LYRM4: variants seen among roughly 807,000 people sequenced by gnomAD.
LYRM4 encodes the protein LYR motif-containing protein 4.
LYRM4 carries 9 observed loss-of-function variants against 11.7 expected under a neutral mutation model. The observed-to-expected ratio is 0.77, with a 90% CI of 0.46 to 1.34. The LOEUF (loss-of-function observed/expected upper bound fraction) is 1.34, where lower values mean the gene tolerates loss of function less well. Among genes scored for constraint, LYRM4 ranks in the 40% most tolerant of loss-of-function variants. The pLI is 0.00. For missense variants in LYRM4, 133 were observed against 112.5 expected (o/e 1.18, Z -0.82); for synonymous variants, 42 against 40.4 (o/e 1.04, Z -0.15).
intron 1 of LYRM4, among the ~76,000 whole-genome samples, chr6:5,253,395 A>G (rs1465142805): frequency 6.0e-5 from 9 of 149,960 alleles, no homozygotes; most frequent in Non-Finnish European, 1.0e-4. Context: ...AAATGTGGTT[A>G]TGTTATACAT....
chr6:5,177,998 A>ATT lies in LYRM4; in HGVS notation c.207+38618_207+38619dup, dbSNP rs5873970. ...TCTCACTATACCCACATATGCCACT[A>ATT]TTTTTTTTTTAACTAAGTATTTAAT... is the stretch of plus-strand genomic sequence containing the variant. On this transcript the variant is annotated intron_variant, in intron 2 of 2. Coordinates refer to ENST00000330636, the MANE Select transcript of LYRM4 (RefSeq NM_020408.6). Among the ~76,000 whole-genome samples, 617 of 150,152 alleles carry ATT rather than the reference A, an allele frequency of 4.1e-3. 6 individuals carry two copies. Among genetic ancestry groups the ATT allele is most frequent in the African/African-American group, 0.014 (580 of 40,996 alleles).
the LYRM4 span, chr6:5,086,183 T>C: frequency 3.9e-6 from 6 of 1,532,686 alleles, no homozygotes; most frequent in Non-Finnish European, 5.2e-6. Flanking sequence ...GGCGCTGAGG[T>C]GAAGGGCTCC....
At chr6:5,083,393 T>G in the LYRM4 span, among the ~76,000 whole-genome samples, 1 of 152,192 alleles carries the variant, frequency 6.6e-6, no homozygotes, top group Non-Finnish European at 1.5e-5. Flanking sequence ...CTCTTGGAGA[T>G]GCCATGCCCA....
At chr6:5,063,876 A>T in the LYRM4 span, among the ~76,000 whole-genome samples, 1 of 152,190 alleles carries the variant, frequency 6.6e-6, no homozygotes, top group Admixed American at 6.5e-5. Flanking sequence ...TGCCCCAGAA[A>T]GTGGCATGCG....
At chr6:5,046,836 C>T in the LYRM4 span, among the ~76,000 whole-genome samples, 7 of 152,270 alleles carry the variant, frequency 4.6e-5, no homozygotes, top group South Asian at 2.1e-4. Flanking sequence ...ACACCTGTAA[C>T]GCCAACACTT....
chr6:5,102,001 T>C (rs1362662197), downstream of LYRM4, among the ~76,000 whole-genome samples: 2 of 143,826 alleles, frequency 1.4e-5, no homozygotes, highest in African/African-American at 2.6e-5. Flanking sequence ...TTATGTTGCC[T>C]AGGCTGGTCT....
intron 1 of LYRM4, among the ~76,000 whole-genome samples, chr6:5,247,679 G>C (rs1457457232): frequency 1.3e-5 from 2 of 152,074 alleles, no homozygotes; most frequent in African/African-American, 4.8e-5. Flanking sequence ...GAATAAACTA[G>C]GCCAAAGGGA....
the LYRM4 span, among the ~76,000 whole-genome samples, chr6:5,043,835 C>T: frequency 2.6e-5 from 4 of 152,274 alleles, no homozygotes; most frequent in African/African-American, 9.6e-5. Context: ...AGTCAGGTAC[C>T]AGACAATTAG....
the LYRM4 span, among the ~76,000 whole-genome samples, chr6:5,036,350 A>G: frequency 1.3e-5 from 2 of 152,136 alleles, no homozygotes; most frequent in Non-Finnish European, 2.9e-5. Flanking sequence ...GATAGGAGGG[A>G]AAAAACAGAG....
the LYRM4 span, among the ~76,000 whole-genome samples, chr6:5,042,056 C>T: frequency 6.6e-6 from 1 of 152,176 alleles, no homozygotes; most frequent in Non-Finnish European, 1.5e-5. Flanking sequence ...ATCTAAGATG[C>T]AATTGTATGA....
intron 1 of LYRM4, among the ~76,000 whole-genome samples, chr6:5,246,863 G>A (rs1163024231): frequency 1.3e-5 from 2 of 152,112 alleles, no homozygotes; most frequent in Non-Finnish European, 2.9e-5. Context: ...AGACTTGGGA[G>A]TAAACACAGA....
intron 2 of LYRM4, chr6:5,136,385 G>C (rs996333023): frequency 2.1e-5 from 21 of 985,254 alleles, no homozygotes; most frequent in Non-Finnish European, 2.4e-5. Flanking sequence ...TGGAGAAGCG[G>C]GAAGACACGA....
the LYRM4 span, among the ~76,000 whole-genome samples, chr6:5,092,744 C>T: frequency 9.3e-5 from 14 of 150,728 alleles, no homozygotes; most frequent in Middle Eastern, 0.01. Flanking sequence ...AGTTTATGTT[C>T]AGAACCACTG....
the LYRM4 span, chr6:5,085,296 C>T: frequency 1.9e-6 from 1 of 534,288 alleles, no homozygotes; most frequent in East Asian, 3.4e-5. Context: ...CCCACTTCGC[C>T]CTGGGCAGCC....
the LYRM4 span, among the ~76,000 whole-genome samples, chr6:5,067,276 G>A: frequency 1.3e-4 from 20 of 152,260 alleles, 1 homozygote; most frequent in South Asian, 6.2e-4. Flanking sequence ...TTAGTATGTC[G>A]TTAGCAACAG....
chr6:5,173,712 T>A (rs1042306400), intron 2 of LYRM4, among the ~76,000 whole-genome samples: 1 of 152,368 alleles, frequency 6.6e-6, no homozygotes, highest in East Asian at 1.9e-4. Flanking sequence ...TCACCTTTCA[T>A]AAAACAGTCC....
chr6:5,123,517 C>T (rs907109139), intron 2 of LYRM4, among the ~76,000 whole-genome samples: 52 of 152,294 alleles, frequency 3.4e-4, no homozygotes, highest in Non-Finnish European at 2.9e-5. Context: ...GACCCTTGGC[C>T]GGGGTATAGG....
chr6:5,107,012 C>A (rs1164292664), downstream of LYRM4: 2 of 152,282 alleles, frequency 1.3e-5, no homozygotes, highest in African/African-American at 4.8e-5. Context: ...ATTGGGTCAT[C>A]TCAGTTGGGG....
intron 1 of LYRM4, among the ~76,000 whole-genome samples, chr6:5,254,557 A>T (rs1321010470): frequency 6.6e-6 from 1 of 152,222 alleles, no homozygotes; most frequent in East Asian, 1.9e-4. Flanking sequence ...TATGCTAAGC[A>T]CTAGGAATAG....
Sources: allele counts gnomAD v4.1 joint callset (sites outside exome capture counted in the v4.1 genomes callset), GRCh38; gene constraint gnomAD v4.1.1; transcripts MANE v1.5; gene names NCBI Gene and HGNC (gene_info 2026-07-23, HGNC 2026-07-21).